Variants in TTC9 observed in about 807,000 individuals in gnomAD.
TTC9 encodes tetratricopeptide repeat protein 9A.
A neutral mutation model predicts 22.9 loss-of-function variants in TTC9; 13 were observed. That is an observed-to-expected ratio of 0.57 (90% CI 0.37 to 0.90). The LOEUF (loss-of-function observed/expected upper bound fraction) is 0.90, where lower values mean the gene tolerates loss of function less well. TTC9 is among the 40% of genes least tolerant of loss of function. The pLI is 0.01. For synonymous variants in TTC9, 148 were observed against 133.2 expected, an observed-to-expected ratio of 1.11 and a Z score of -0.77; for missense variants, 280 against 291.8, an observed-to-expected ratio of 0.96 and a Z score of 0.29.
chr14:70,673,515 G>C lies in TTC9; in HGVS notation c.*2360G>C, dbSNP rs1375500664. Reference sequence around the variant, plus strand: ...CTCTTCCTCCTAGCTGGCTTTACATGACCCTAACCCAAAACTACCCTATGG... The same window carrying C: ...CTCTTCCTCCTAGCTGGCTTTACATCACCCTAACCCAAAACTACCCTATGG... On this transcript the variant is annotated 3_prime_UTR_variant, in exon 3 of 3. Coordinates refer to ENST00000256367, the MANE Select transcript of TTC9 (RefSeq NM_015351.2). The C allele has an allele frequency of 6.6e-6, 1 of 152,166 alleles. No homozygotes were observed. The highest frequency in any genetic ancestry group is 1.5e-5 in the Non-Finnish European group (1 of 68,064). The allele number at this position is 152,166 out of a possible 1,614,324, so 9.4% of individuals were successfully genotyped here. A position where few individuals can be genotyped will look rare whatever the true frequency, so the allele number is the denominator to read the frequency against.
intron 2 of TTC9, among the ~76,000 whole-genome samples, chr14:70,669,909 G>A (rs977244616): frequency 6.6e-6 from 1 of 152,162 alleles, no homozygotes; most frequent in Non-Finnish European, 1.5e-5. Flanking sequence ...ATGTTATGGT[G>A]TGTGTGGAAC....
At chr14:70,649,263 A>G (rs927076449) in intron 1 of TTC9, among the ~76,000 whole-genome samples, 1 of 152,226 alleles carries the variant, frequency 6.6e-6, no homozygotes, top group African/African-American at 2.4e-5. Flanking sequence ...ATGTTCCACA[A>G]ATGTGTTTGA....
At chr14:70,643,282 C>T (rs766797628) in intron 1 of TTC9, among the ~76,000 whole-genome samples, 1 of 152,132 alleles carries the variant, frequency 6.6e-6, no homozygotes, top group Non-Finnish European at 1.5e-5. Context: ...GAAAAGGGGG[C>T]CCTACTCTTG....
intron 1 of TTC9, among the ~76,000 whole-genome samples, chr14:70,652,674 AC>A (rs1159912291): frequency 6.6e-6 from 1 of 152,202 alleles, no homozygotes; most frequent in Non-Finnish European, 1.5e-5. Context: ...GAGAGTTCCT[AC>A]CCATGGCTCA....
Position 70,642,075 on chromosome 14 carries a change from C to A in TTC9, c.-55C>A. On this transcript the variant is annotated 5_prime_UTR_variant, in exon 1 of 3. Transcript: ENST00000256367. Reference sequence around the variant, plus strand: ...TTTTAAACCCGGGAAGGCGCGGCGGCGGCGGCGGCGGCGGGCAGATCGCGG... The same window carrying A: ...TTTTAAACCCGGGAAGGCGCGGCGGAGGCGGCGGCGGCGGGCAGATCGCGG... 1 of 1,019,072 alleles carries A rather than the reference C, an allele frequency of 9.8e-7. No individual in the cohort carries two copies. Among genetic ancestry groups the A allele is most frequent in the Non-Finnish European group, 1.2e-6 (1 of 852,534 alleles). The allele number at this position is 1,019,072 out of a possible 1,614,324, so 63.1% of individuals were successfully genotyped here. A position where few individuals can be genotyped will look rare whatever the true frequency, so the allele number is the denominator to read the frequency against.
intron 1 of TTC9, among the ~76,000 whole-genome samples, chr14:70,647,617 G>A (rs1011548779): frequency 1.3e-5 from 2 of 152,064 alleles, no homozygotes; most frequent in African/African-American, 4.8e-5. Flanking sequence ...GAACTCTCAC[G>A]CATCATGGGG....
chr14:70,643,625 T>C (rs1885860797), intron 1 of TTC9, among the ~76,000 whole-genome samples: 1 of 152,146 alleles, frequency 6.6e-6, no homozygotes, highest in Non-Finnish European at 1.5e-5. Context: ...GAAGAGTGAC[T>C]GGGTGTGGCA....
intron 1 of TTC9, among the ~76,000 whole-genome samples, chr14:70,649,464 C>A (rs1428204812): frequency 2.0e-5 from 3 of 152,196 alleles, no homozygotes; most frequent in Non-Finnish European, 4.4e-5. Context: ...TTCATTTGAT[C>A]TGTACAACTC....
At chr14:70,642,881 C>T (rs1221796197) in intron 1 of TTC9, among the ~76,000 whole-genome samples, 2 of 152,216 alleles carry the variant, frequency 1.3e-5, no homozygotes, top group Non-Finnish European at 1.5e-5. Flanking sequence ...GCAGCCACCG[C>T]TAGCCCAGCT....
Position 70,671,222 on chromosome 14 carries a change from G to A in TTC9, c.*67G>A. On this transcript the variant is annotated 3_prime_UTR_variant, in exon 3 of 3. Coordinates refer to ENST00000256367, the MANE Select transcript of TTC9 (RefSeq NM_015351.2). ...ACTTCCAGGCATCCCCTGGCAGAGA[G>A]CCCCGTCCTGGATTCTGTCCCTTTC... The A allele has an allele frequency of 1.5e-6, 2 of 1,376,558 alleles. No individual in the cohort carries two copies. Among genetic ancestry groups the A allele is most frequent in the South Asian group, 2.4e-5 (2 of 84,208 alleles). The allele number at this position is 1,376,558 out of a possible 1,614,324, so 85.3% of individuals were successfully genotyped here.
chr14:70,642,608 C>T, intron 1 of TTC9, 73 bp downstream of exon 1: 1 of 1,384,760 alleles, frequency 7.2e-7, no homozygotes, highest in Non-Finnish European at 9.6e-7. Flanking sequence ...CACTGCGGCG[C>T]TCCCGCGGTG....
intron 1 of TTC9, among the ~76,000 whole-genome samples, chr14:70,651,334 A>G (rs1328889137): frequency 6.6e-6 from 1 of 152,166 alleles, no homozygotes; most frequent in Admixed American, 6.5e-5. Flanking sequence ...ACCTACATAC[A>G]TTATTACTTT....
At chr14:70,648,385 T>C (rs1284138709) in intron 1 of TTC9, among the ~76,000 whole-genome samples, 1 of 152,262 alleles carries the variant, frequency 6.6e-6, no homozygotes, top group Non-Finnish European at 1.5e-5. Flanking sequence ...AAAGTGGATT[T>C]GGAAGCTCCT....
chr14:70,671,315 G>A lies in TTC9; in HGVS notation c.*160G>A, dbSNP rs535214033. The stretch of plus-strand genomic sequence containing the variant: ...CCAGCTCTTTGTCTCCTCCCAGTAC[G>A]AAAAGGAGAGATGCAAATTTGGAAT... On this transcript the variant is annotated 3_prime_UTR_variant, in exon 3 of 3. Transcript: ENST00000256367. The A allele has an allele frequency of 1.5e-5, 9 of 581,066 alleles. No homozygotes were observed. Among genetic ancestry groups the A allele is most frequent in the Admixed American group, 1.2e-4 (4 of 32,890 alleles). The allele number at this position is 581,066 out of a possible 1,614,324, so 36.0% of individuals were successfully genotyped here.
At chr14:70,642,796 C>T (rs569412163) in intron 1 of TTC9, among the ~76,000 whole-genome samples, 1 of 152,366 alleles carries the variant, frequency 6.6e-6, no homozygotes, top group South Asian at 2.1e-4. Context: ...GCTGGCCTGG[C>T]TATGGCTGCT....
chr14:70,660,756 G>T (rs772978633), intron 1 of TTC9, among the ~76,000 whole-genome samples: 1 of 152,204 alleles, frequency 6.6e-6, no homozygotes, highest in Admixed American at 6.5e-5. Context: ...GTTTGGTTAT[G>T]ATCTATACCA....
At chr14:70,669,580 C>CT (rs796679950) in intron 2 of TTC9, among the ~76,000 whole-genome samples, 5,378 of 138,346 alleles carry the variant, frequency 0.039, 257 homozygotes, top group African/African-American at 0.12. Flanking sequence ...CACACCCAGC[C>CT]TTTTTTTTTT....
chr14:70,642,088 G>T lies in TTC9; in HGVS notation c.-42G>T. ...AAGGCGCGGCGGCGGCGGCGGCGGCGGGCAGATCGCGGCGCGCACCAGGCG... is the reference window on the plus strand; with the variant it reads ...AAGGCGCGGCGGCGGCGGCGGCGGCTGGCAGATCGCGGCGCGCACCAGGCG... On this transcript the variant is annotated 5_prime_UTR_variant, in exon 1 of 3. Transcript: ENST00000256367. 9.5e-7 allele frequency: 1 copy of T among 1,047,832 alleles called. No individual in the cohort carries two copies. The highest frequency in any genetic ancestry group is 1.1e-6 in the Non-Finnish European group (1 of 872,138). 64.9% of individuals were successfully genotyped at this position (1,047,832 alleles called of 1,614,324 possible).
chr14:70,643,643 G>C (rs1336032283), intron 1 of TTC9, among the ~76,000 whole-genome samples: 1 of 152,200 alleles, frequency 6.6e-6, no homozygotes, highest in Non-Finnish European at 1.5e-5. Context: ...GCAGGGAATG[G>C]TGAATGTGTC....
Sources: gnomAD v4.1 joint callset for allele counts (sites outside exome capture counted in the v4.1 genomes callset) on GRCh38, gnomAD v4.1.1 for gene constraint, MANE v1.5 for transcripts, NCBI Gene and HGNC (gene_info 2026-07-23, HGNC 2026-07-21) for gene names.